RNF151: variants seen among roughly 807,000 people sequenced by gnomAD.
RNF151 encodes ring finger protein 151.
A neutral mutation model predicts 11.1 loss-of-function variants in RNF151; 9 were observed. The ratio of observed to expected loss-of-function variants is 0.81; its 90% CI spans 0.49 to 1.42. The LOEUF (loss-of-function observed/expected upper bound fraction) is 1.42, where lower values mean the gene tolerates loss of function less well. RNF151 is among the 40% of genes most tolerant of loss of function. RNF151 has a pLI of 0.00. For synonymous variants in RNF151, 172 were observed against 140.7 expected, an observed-to-expected ratio of 1.22 and a Z score of -1.58; for missense variants, 372 against 342.9, an observed-to-expected ratio of 1.08 and a Z score of -0.67.
chr16:1,968,923 T>A lies in RNF151; in HGVS notation c.736T>A (p.Ter246LysextTer?). The change falls in exon 4 of 4, where the codon TAG (stop) becomes AAG (lysine). Residue 246 changes from the stop codon to lysine (K), a stop_lost. Coordinates refer to ENST00000569714, the MANE Select transcript of RNF151 (RefSeq NM_174903.6). ...GCCCAGGGCCAACATACCTTGTAAA[T>A]AGGTAAATAAAAGCAGACCCCCGGC... ...GEPRANIPCK* is the reference protein window; with the variant it reads ...GEPRANIPCKK The A allele has an allele frequency of 6.3e-7, 1 of 1,587,498 alleles. No individual in the cohort carries two copies. The highest frequency in any genetic ancestry group is 8.6e-7 in the Non-Finnish European group (1 of 1,166,534).
chr16:1,967,953 T>C, intron 3 of RNF151, 132 bp downstream of exon 3: 1 of 748,470 alleles, frequency 1.3e-6, no homozygotes, highest in Non-Finnish European at 2.4e-6. Context: ...CGACCAGACA[T>C]AGCTGAGTTT....
In RNF151 at chr16:1,968,495, A is replaced by G. The variant is rs1242810892; in HGVS notation, c.308A>G (p.Gln103Arg). The G allele has an allele frequency of 6.2e-7, 1 of 1,602,558 alleles. No individual in the cohort carries two copies. Residue 103 changes from glutamine to arginine, a missense_variant, in exon 4 of 4, where the codon CAG (glutamine) becomes CGG (arginine). Coordinates refer to ENST00000569714, the MANE Select transcript of RNF151 (RefSeq NM_174903.6). Reference protein sequence around the residue: ...TCPLAHRKGHQDSCPFELTAC... With the variant: ...TCPLAHRKGHRDSCPFELTAC... ...CCCCTGGCCCATCGCAAGGGGCACC[A>G]GGACTCATGCCCCTTTGAGCTAACG... is the stretch of plus-strand genomic sequence containing the variant.
At position 1,967,904 on chromosome 16, in the gene RNF151, G is replaced by T. The variant is rs777881825; in HGVS notation, c.246+83G>T. 1.0e-5 allele frequency: 10 copies of T among 968,854 alleles called. No homozygotes were observed. In the Middle Eastern group the frequency reaches 8.1e-4, roughly 78 times the overall value. 60.0% of individuals were successfully genotyped at this position (968,854 alleles called of 1,614,324 possible). ...GGCAGGGCTAGGAGAGAAGGCAGGA[G>T]AATCCCATCTTCAGAGAGAAACAAG... On this transcript the variant is annotated intron_variant, in intron 3 of 3. Coordinates refer to ENST00000569714, the MANE Select transcript of RNF151 (RefSeq NM_174903.6).
rs557592220 is a variant in RNF151 at position 1,966,976 on chromosome 16, C to A, written c.3+92C>A. ...GTCCAGGGATCGACCCCACTCCACT[C>A]GGAAAGGGTGGGCAATGGGTTGCAG... On this transcript the variant is annotated intron_variant, in intron 1 of 3. Transcript: ENST00000569714. The A allele has an allele frequency of 8.5e-6, 12 of 1,418,356 alleles. No individual in the cohort carries two copies. The East Asian group carries it at 2.3e-4, about 27-fold the overall frequency. 87.9% of individuals were successfully genotyped at this position (1,418,356 alleles called of 1,614,324 possible). A position where few individuals can be genotyped will look rare whatever the true frequency, so the allele number is the denominator to read the frequency against.
intron 3 of RNF151, 131 bp from the exon 4 acceptor site, chr16:1,968,303 C>A: frequency 8.4e-7 from 1 of 1,194,988 alleles, no homozygotes; most frequent in Non-Finnish European, 1.1e-6. Flanking sequence ...GTGTTCTCTC[C>A]ACCAACTCAC....
Position 1,968,548 on chromosome 16 carries a change from C to A in RNF151, c.361C>A (p.Gln121Lys). 1 of 1,609,280 alleles carries A rather than the reference C, an allele frequency of 6.2e-7. No homozygotes were observed. Among genetic ancestry groups the A allele is most frequent in the South Asian group, 1.1e-5 (1 of 90,362 alleles). The change falls in exon 4 of 4, where the codon CAG becomes AAG. Residue 121 changes from glutamine to lysine, a missense_variant. Gln to Lys is a moderately conservative substitution (Grantham distance 53, BLOSUM62 1). Transcript: ENST00000569714. ...TACPNEGCTS[Q>K]VPRGTLAEHR... ...CTGCCCCAACGAGGGCTGCACCTCG[C>A]AGGTGCCGCGTGGGACCCTGGCAGA...
At chr16:1,967,183 C>A in intron 1 of RNF151, 91 bp from the exon 2 acceptor site, 1 of 1,498,344 alleles carries the variant, frequency 6.7e-7, no homozygotes, top group Non-Finnish European at 9.0e-7. Flanking sequence ...GCCCACCTCC[C>A]TGCCAAAAGC....
At chr16:1,967,096 G>T (rs2083317239) in intron 1 of RNF151, among the ~76,000 whole-genome samples, 178 bp from the exon 2 acceptor site, 1 of 152,196 alleles carries the variant, frequency 6.6e-6, no homozygotes, top group East Asian at 1.9e-4. Context: ...TAGTAGTCCT[G>T]GGGTGGGGGG....
chr16:1,967,312 T>G lies in RNF151; in HGVS notation c.42T>G (p.Pro14=). The G allele has an allele frequency of 9.9e-6, 16 of 1,613,600 alleles. No homozygotes were observed. Among genetic ancestry groups the G allele is most frequent in the Non-Finnish European group, 1.4e-5 (16 of 1,179,866 alleles). ...GYDLNLFASP[P]DSNFVCSVCH... is the part of the protein sequence containing the mutation. ...ATCTCAACCTCTTCGCCAGCCCTCC[T>G]GACAGCAACTTCGTGTGCTCCGTCT... is the stretch of plus-strand genomic sequence containing the variant. The change falls in exon 2 of 4, where the codon CCT becomes CCG. Residue 14 remains proline (P), a synonymous_variant. Transcript: ENST00000569714.
intron 1 of RNF151, 21 bp from the exon 2 acceptor site, chr16:1,967,253 G>A (rs2083318776): frequency 6.2e-7 from 1 of 1,607,494 alleles, no homozygotes; most frequent in Non-Finnish European, 8.5e-7. Context: ...CCAGCCAGGT[G>A]CTGACACCTG....
chr16:1,967,067 C>T (rs1170844471), intron 1 of RNF151, among the ~76,000 whole-genome samples, 183 bp downstream of exon 1: 1 of 152,170 alleles, frequency 6.6e-6, no homozygotes, highest in Non-Finnish European at 1.5e-5. Flanking sequence ...GGCTAAGGCC[C>T]CCGTCTCCAG....
Position 1,968,553 on chromosome 16 carries a change from G to C in RNF151, c.366G>C (p.Val122=). ...ACPNEGCTSQ[V]PRGTLAEHRQ... ...CCAACGAGGGCTGCACCTCGCAGGT[G>C]CCGCGTGGGACCCTGGCAGAGCACC... The change falls in exon 4 of 4, where the codon GTG becomes GTC. Residue 122 remains valine, a synonymous_variant. Transcript: ENST00000569714. 1 of 1,608,812 alleles carries C rather than the reference G, an allele frequency of 6.2e-7. No homozygotes were observed. Among genetic ancestry groups the C allele is most frequent in the Non-Finnish European group, 8.5e-7 (1 of 1,178,262 alleles).
At chr16:1,967,133 A>G (rs1420263309) in intron 1 of RNF151, 141 bp from the exon 2 acceptor site, 10 of 1,151,968 alleles carry the variant, frequency 8.7e-6, no homozygotes, top group Non-Finnish European at 1.2e-5. Flanking sequence ...TGCCCCCTCA[A>G]AGTGGGCGCT....
Position 1,968,577 on chromosome 16 carries a change from C to G in RNF151, c.390C>G (p.His130Gln), listed in dbSNP as rs45488492. ...TGCCGCGTGGGACCCTGGCAGAGCA[C>G]CGGCAGCATTGCCAGCAAGGGTCCC... Reference protein sequence around the residue: ...SQVPRGTLAEHRQHCQQGSQQ... With the variant: ...SQVPRGTLAEQRQHCQQGSQQ... The change falls in exon 4 of 4, where the codon CAC becomes CAG. Residue 130 changes from histidine to glutamine, a missense_variant. Coordinates refer to ENST00000569714, the MANE Select transcript of RNF151 (RefSeq NM_174903.6). 59,690 of 1,601,678 alleles carry G rather than the reference C, an allele frequency of 0.037. 1,377 individuals are homozygous for G. The highest frequency in any genetic ancestry group is 0.086 in the African/African-American group (6,445 of 74,640).
Position 1,967,265 on chromosome 16 carries a change from C to T in RNF151, c.4-9C>T, listed in dbSNP as rs1351896924. The T allele has an allele frequency of 6.2e-6, 10 of 1,611,754 alleles. No individual in the cohort carries two copies. In the East Asian group the frequency reaches 2.2e-4, roughly 36 times the overall value. ...GTCCCAGCCAGGTGCTGACACCTGG[C>T]CTTTGCAGGGTGGCGGGTATGATCT... On this transcript the variant is annotated splice_polypyrimidine_tract_variant and intron_variant, in intron 1 of 3. Transcript: ENST00000569714.
At position 1,968,523 on chromosome 16, in the gene RNF151, C is replaced by G; in HGVS notation, c.336C>G (p.Ala112=). ...HQDSCPFELT[A]CPNEGCTSQV... ...ACTCATGCCCCTTTGAGCTAACGGC[C>G]TGCCCCAACGAGGGCTGCACCTCGC... The change falls in exon 4 of 4, where the codon GCC becomes GCG. Residue 112 remains alanine (A), a synonymous_variant. Transcript: ENST00000569714. 3 of 1,609,302 alleles carry G rather than the reference C, an allele frequency of 1.9e-6. No individual in the cohort carries two copies. The South Asian group carries it at 3.3e-5, about 18-fold the overall frequency.
intron 1 of RNF151, 93 bp downstream of exon 1, chr16:1,966,977 G>A (rs577623003): frequency 5.7e-6 from 8 of 1,407,828 alleles, no homozygotes; most frequent in East Asian, 4.7e-5. Context: ...CACTCCACTC[G>A]GAAAGGGTGG....
rs1567321994 is a variant in RNF151, at chr16:1,968,842, C to T, written c.655C>T (p.Gln219Ter). 1.3e-6 allele frequency: 2 copies of T among 1,595,858 alleles called. No individual in the cohort carries two copies. The highest frequency in any genetic ancestry group is 1.7e-6 in the Non-Finnish European group (2 of 1,171,998). ...CACCGCTCTGCTGGAGGGTGCCCCA[C>T]AGGAGGAGGCCGAGGCTGCCCCAGA... Reference protein sequence around the residue: ...EDTALLEGAPQEEAEAAPEGN... With the variant: ...EDTALLEGAP The change falls in exon 4 of 4, where the codon CAG (glutamine) becomes TAG (stop). Residue 219 changes from glutamine to a stop codon, truncating the protein, a stop_gained. Coordinates refer to ENST00000569714, the MANE Select transcript of RNF151 (RefSeq NM_174903.6). LOFTEE classifies it low-confidence loss of function (END_TRUNC).
chr16:1,967,246 G>A, intron 1 of RNF151, 28 bp from the exon 2 acceptor site: 1 of 1,605,244 alleles, frequency 6.2e-7, no homozygotes. Flanking sequence ...CACTGTCCCA[G>A]CCAGGTGCTG....
Sources: allele counts gnomAD v4.1 joint callset (sites outside exome capture counted in the v4.1 genomes callset), GRCh38; gene constraint gnomAD v4.1.1; transcripts MANE v1.5; gene names NCBI Gene and HGNC (gene_info 2026-07-23, HGNC 2026-07-21).